The following EIF3H variants were observed in gnomAD, a reference collection of about 807,000 sequenced individuals.
EIF3H encodes the protein eukaryotic translation initiation factor 3 subunit H, also known as eIF-3-gamma.
Under a neutral mutation model 44.2 loss-of-function variants are expected in EIF3H, and 26 were observed. That is an observed-to-expected ratio of 0.59 (90% CI 0.43 to 0.82). The LOEUF (loss-of-function observed/expected upper bound fraction) is 0.82, where lower values mean the gene tolerates loss of function less well. Ranked by LOEUF, EIF3H falls within the 40% of genes least tolerant of loss-of-function variation. EIF3H has a pLI of 0.00. For missense variants in EIF3H, 359 were observed against 432.8 expected, an observed-to-expected ratio of 0.83 and a Z score of 1.51; for synonymous variants, 166 against 151.9, an observed-to-expected ratio of 1.09 and a Z score of -0.68.
chr8:116,755,872 C>T, upstream of EIF3H: 2 of 1,587,670 alleles, frequency 1.3e-6, no homozygotes, highest in Non-Finnish European at 1.7e-6. Flanking sequence ...TGACGTCACT[C>T]GCAGGCCGGC....
At chr8:116,677,306 T>G (rs553374204) in intron 2 of EIF3H, among the ~76,000 whole-genome samples, 1 of 151,640 alleles carries the variant, frequency 6.6e-6, no homozygotes, top group Non-Finnish European at 1.5e-5. Flanking sequence ...TCAACGTACT[T>G]TGCAATCAAA....
chr8:116,731,773 C>T (rs956993799), intron 1 of EIF3H, among the ~76,000 whole-genome samples: 1 of 152,162 alleles, frequency 6.6e-6, no homozygotes, highest in African/African-American at 2.4e-5. Flanking sequence ...CTGTTAAGAA[C>T]CGATGCTGAC....
At chr8:116,685,982 T>C (rs1226189189) in intron 2 of EIF3H, among the ~76,000 whole-genome samples, 1 of 152,154 alleles carries the variant, frequency 6.6e-6, no homozygotes, top group Non-Finnish European at 1.5e-5. Context: ...ATAAAATGTT[T>C]CCATCACCTC....
At chr8:116,678,267 T>A (rs1157634215) in intron 2 of EIF3H, among the ~76,000 whole-genome samples, 1 of 152,088 alleles carries the variant, frequency 6.6e-6, no homozygotes, top group Non-Finnish European at 1.5e-5. Context: ...GGTGCCGGGA[T>A]TGCAGACGGA....
At chr8:116,663,086 T>C (rs559766473) in intron 2 of EIF3H, among the ~76,000 whole-genome samples, 1 of 152,314 alleles carries the variant, frequency 6.6e-6, no homozygotes, top group Admixed American at 6.5e-5. Context: ...CCACAGGCTC[T>C]GGTGACTATG....
chr8:116,737,425 G>A, intron 1 of EIF3H: 1 of 361,672 alleles, frequency 2.8e-6, no homozygotes, highest in Non-Finnish European at 5.2e-6. Context: ...GGAGGCTGAG[G>A]CAGACCGATT....
intron 2 of EIF3H, among the ~76,000 whole-genome samples, chr8:116,674,941 T>C (rs1300318532): frequency 1.3e-5 from 2 of 152,196 alleles, no homozygotes; most frequent in Non-Finnish European, 2.9e-5. Flanking sequence ...CAGTGAGACT[T>C]CTGCTTTTTT....
intron 2 of EIF3H, among the ~76,000 whole-genome samples, chr8:116,712,402 G>A (rs1814588598): frequency 6.6e-6 from 1 of 152,196 alleles, no homozygotes; most frequent in Admixed American, 6.5e-5. Context: ...TAGGTTAGAT[G>A]TTAGAGGGCA....
intron 2 of EIF3H, among the ~76,000 whole-genome samples, chr8:116,697,479 T>C (rs1331556630): frequency 2.6e-5 from 4 of 152,136 alleles, no homozygotes; most frequent in African/African-American, 9.7e-5. Context: ...CTTTCACCAG[T>C]CAGCTTTTGA....
At chr8:116,703,670 T>C (rs1014758276) in intron 2 of EIF3H, among the ~76,000 whole-genome samples, 16 of 152,316 alleles carry the variant, frequency 1.1e-4, no homozygotes, top group African/African-American at 3.6e-4. Context: ...GGTGGACACA[T>C]GGCTTGTGTG....
chr8:116,751,436 G>A (rs1171205742), intron 1 of EIF3H, among the ~76,000 whole-genome samples: 6 of 152,304 alleles, frequency 3.9e-5, no homozygotes, highest in Non-Finnish European at 8.8e-5. Context: ...CCTGCCCTCA[G>A]TAGCATACAT....
At chr8:116,683,889 G>A (rs914851567) in intron 2 of EIF3H, among the ~76,000 whole-genome samples, 30 of 152,000 alleles carry the variant, frequency 2.0e-4, no homozygotes, top group African/African-American at 7.0e-4. Context: ...TGAAGCCACG[G>A]GCATGATTAA....
In EIF3H at chr8:116,730,332, C is replaced by T. The variant is rs114130801; in HGVS notation, c.133-4160G>A. Among the ~76,000 whole-genome samples, 618 of 152,278 alleles carry T rather than the reference C, an allele frequency of 4.1e-3. 3 individuals are homozygous for T. Among genetic ancestry groups the T allele is most frequent in the African/African-American group, 0.015 (606 of 41,540 alleles). ...GCACTGATTCTCATAGGAGCACAAACCTTTACTGTGAACTGCACATACAAG... is the reference window on the plus strand; with the variant it reads ...GCACTGATTCTCATAGGAGCACAAATCTTTACTGTGAACTGCACATACAAG... On this transcript the variant is annotated intron_variant, in intron 1 of 7. Coordinates refer to ENST00000521861, the MANE Select transcript of EIF3H (RefSeq NM_003756.3).
chr8:116,752,786 AGGG>A lies in EIF3H; in HGVS notation c.132+2877_132+2879del, dbSNP rs1563663246. Among the ~76,000 whole-genome samples, 208 of 63,450 alleles carry A rather than the reference AGGG, an allele frequency of 3.3e-3. 12 individuals are homozygous for A. The highest frequency in any genetic ancestry group is 9.2e-3 in the African/African-American group (139 of 15,028). 41.6% of individuals were successfully genotyped at this position (63,450 alleles called of 152,430 possible). On this transcript the variant is annotated intron_variant, in intron 1 of 7. Transcript: ENST00000521861. ...GAGGGAGGGAGGGAGGGAGGGAGGGAGGGAGGGAGGGAAGGAAGGAAGGAAGGA... is the reference window on the plus strand; with the variant it reads ...GAGGGAGGGAGGGAGGGAGGGAGGGAAGGGAGGGAAGGAAGGAAGGAAGGA...
intron 2 of EIF3H, among the ~76,000 whole-genome samples, chr8:116,666,922 G>GA (rs535062712): frequency 3.4e-4 from 52 of 152,228 alleles, no homozygotes; most frequent in African/African-American, 1.2e-3. Flanking sequence ...TAACATACTT[G>GA]AAAAAAGTCA....
chr8:116,670,358 G>A (rs1023300967), intron 2 of EIF3H, among the ~76,000 whole-genome samples: 7 of 152,164 alleles, frequency 4.6e-5, no homozygotes, highest in Admixed American at 1.3e-4. Flanking sequence ...AAGTAGCACA[G>A]ATCAGTACTG....
chr8:116,680,658 T>C (rs1281956672), intron 2 of EIF3H, among the ~76,000 whole-genome samples: 1 of 129,334 alleles, frequency 7.7e-6, no homozygotes, highest in Non-Finnish European at 1.6e-5. Context: ...CACCACTCCC[T>C]AATCTTAAGT....
At chr8:116,724,423 A>G (rs1814799470) in intron 2 of EIF3H, among the ~76,000 whole-genome samples, 1 of 152,226 alleles carries the variant, frequency 6.6e-6, no homozygotes, top group Non-Finnish European at 1.5e-5. Flanking sequence ...CCAAAAGCAC[A>G]GGCAACAAAA....
intron 2 of EIF3H, among the ~76,000 whole-genome samples, chr8:116,705,283 A>T (rs955871027): frequency 1.3e-5 from 2 of 152,240 alleles, no homozygotes; most frequent in Non-Finnish European, 2.9e-5. Flanking sequence ...TATTAGCAAG[A>T]ATCAATATAA....
Sources: allele counts gnomAD v4.1 joint callset (sites outside exome capture counted in the v4.1 genomes callset), GRCh38; gene constraint gnomAD v4.1.1; transcripts MANE v1.5; gene names NCBI Gene and HGNC (gene_info 2026-07-23, HGNC 2026-07-21).